The following CTNNA3 variants were observed in gnomAD, a reference collection of about 807,000 sequenced individuals.
The protein encoded by CTNNA3 is catenin alpha-3.
A neutral mutation model predicts 95.7 loss-of-function variants in CTNNA3; 76 were observed. That is an observed-to-expected ratio of 0.79 (90% CI 0.66 to 0.96). CTNNA3 has a LOEUF of 0.96. Among genes scored for constraint, CTNNA3 ranks in the 40% least tolerant of loss-of-function variants. The pLI, the probability that CTNNA3 is intolerant of heterozygous loss-of-function variation, is 0.00. For missense variants in CTNNA3, 1,191 were observed against 1,089.8 expected (o/e 1.09, Z -1.31); for synonymous variants, 431 against 374.4 (o/e 1.15, Z -1.74).
At chr10:66,431,847 T>C (rs901663220) in intron 11 of CTNNA3, among the ~76,000 whole-genome samples, 1 of 151,946 alleles carries the variant, frequency 6.6e-6, no homozygotes, top group Non-Finnish European at 1.5e-5. Flanking sequence ...TGTATACATA[T>C]GTAACAAACC....
intron 5 of CTNNA3, among the ~76,000 whole-genome samples, chr10:67,515,988 G>A (rs1839799288): frequency 6.6e-6 from 1 of 151,904 alleles, no homozygotes; most frequent in African/African-American, 2.4e-5. Context: ...TTGACATGGA[G>A]TTTTGCTCTT....
At chr10:65,953,502 A>G (rs1459467552) in intron 17 of CTNNA3, among the ~76,000 whole-genome samples, 1 of 152,008 alleles carries the variant, frequency 6.6e-6, no homozygotes, top group Non-Finnish European at 1.5e-5. Context: ...CATCATTTAC[A>G]TTAGGTATAT....
At chr10:65,932,523 T>A (rs2077270800) in intron 17 of CTNNA3, among the ~76,000 whole-genome samples, 1 of 152,142 alleles carries the variant, frequency 6.6e-6, no homozygotes, top group Non-Finnish European at 1.5e-5. Context: ...ACTCAGATAA[T>A]TTCAGTGCCT....
intron 15 of CTNNA3, among the ~76,000 whole-genome samples, chr10:66,068,290 A>T (rs1589320457): frequency 6.6e-6 from 1 of 152,102 alleles, no homozygotes; most frequent in African/African-American, 2.4e-5. Context: ...AGTATTCTTT[A>T]TATATAAATG....
intron 10 of CTNNA3, among the ~76,000 whole-genome samples, chr10:66,567,667 T>C (rs1842755205): frequency 6.6e-6 from 1 of 152,064 alleles, no homozygotes; most frequent in African/African-American, 2.4e-5. Flanking sequence ...AAAATTTCAT[T>C]TCCCTTAACA....
intron 7 of CTNNA3, among the ~76,000 whole-genome samples, chr10:67,067,268 A>G (rs1422700237): frequency 1.3e-5 from 2 of 149,972 alleles, no homozygotes; most frequent in Non-Finnish European, 3.0e-5. Context: ...TATTAGAATC[A>G]TTTTATGACA....
intron 9 of CTNNA3, among the ~76,000 whole-genome samples, chr10:66,670,740 G>A (rs1358130279): frequency 6.6e-6 from 1 of 152,042 alleles, no homozygotes; most frequent in Admixed American, 6.6e-5. Context: ...CATTACCTAG[G>A]TTAGCATTTG....
intron 11 of CTNNA3, among the ~76,000 whole-genome samples, chr10:66,480,573 C>T (rs1839484829): frequency 6.6e-6 from 1 of 152,010 alleles, no homozygotes; most frequent in Non-Finnish European, 1.5e-5. Flanking sequence ...AATGATATTA[C>T]ATAATTTTCA....
chr10:67,345,996 T>C (rs923969079), intron 5 of CTNNA3, among the ~76,000 whole-genome samples: 4 of 152,112 alleles, frequency 2.6e-5, no homozygotes, highest in African/African-American at 9.7e-5. Context: ...ATTGTATCCA[T>C]TGTATATTTT....
chr10:66,411,504 T>C lies in CTNNA3; in HGVS notation c.1532-32152A>G, dbSNP rs61145838. ...GAATATGATAATTACCATGAGGTAA[T>C]TTTTTATATAAATATGGAATTCAAA... On this transcript the variant is annotated intron_variant, in intron 11 of 17. Coordinates refer to ENST00000433211, the MANE Select transcript of CTNNA3 (RefSeq NM_013266.4). Among the ~76,000 whole-genome samples, 2,756 of 152,052 alleles carry C rather than the reference T, an allele frequency of 0.018. 197 individuals carry two copies. The East Asian group carries it at 0.24, about 13-fold the overall frequency.
At chr10:66,419,145 C>A (rs2093170610) in intron 11 of CTNNA3, among the ~76,000 whole-genome samples, 1 of 152,062 alleles carries the variant, frequency 6.6e-6, no homozygotes, top group African/African-American at 2.4e-5. Context: ...ACCAAAAAAC[C>A]CTTAGAGTTG....
At chr10:66,159,823 G>A (rs2133930657) in intron 13 of CTNNA3, among the ~76,000 whole-genome samples, 1 of 151,492 alleles carries the variant, frequency 6.6e-6, no homozygotes. Flanking sequence ...TATTTTTGTT[G>A]GTAATTTTTC....
intron 5 of CTNNA3, among the ~76,000 whole-genome samples, chr10:67,420,164 T>C (rs1277646573): frequency 6.6e-6 from 1 of 152,242 alleles, no homozygotes; most frequent in Non-Finnish European, 1.5e-5. Flanking sequence ...CTAACAGCAT[T>C]TTATTTTTAC....
chr10:66,860,522 A>T (rs1176703153), intron 7 of CTNNA3, among the ~76,000 whole-genome samples: 3 of 152,128 alleles, frequency 2.0e-5, no homozygotes, highest in Admixed American at 6.6e-5. Context: ...GGGGTATTAA[A>T]ATGCTAGCAG....
At chr10:66,156,499 A>G (rs149139409) in intron 13 of CTNNA3, among the ~76,000 whole-genome samples, 2 of 151,952 alleles carry the variant, frequency 1.3e-5, no homozygotes, top group African/African-American at 4.8e-5. Flanking sequence ...TGTGCCAAGT[A>G]CAATTATAGA....
At chr10:66,030,167 A>G (rs933760792) in intron 15 of CTNNA3, among the ~76,000 whole-genome samples, 1 of 152,172 alleles carries the variant, frequency 6.6e-6, no homozygotes, top group Non-Finnish European at 1.5e-5. Flanking sequence ...CAGATTCAAC[A>G]TTATTCCTAT....
At position 67,718,362 on chromosome 10, in the gene CTNNA3, G is replaced by C. The variant is rs140679344; in HGVS notation, c.-2+45072C>G. ...ACACCCAATACTATGTTGAGTAGTG[G>C]TGAGAGAGGGCATTCTTGTCTTGTG... On this transcript the variant is annotated intron_variant, in intron 1 of 17. Transcript: ENST00000684154. 3.7e-3 allele frequency among the ~76,000 whole-genome samples: 571 copies of C among 152,276 alleles called. 4 individuals are homozygous for C. The highest frequency in any genetic ancestry group is 0.013 in the African/African-American group (522 of 41,562).
At chr10:67,332,225 T>C (rs1208888620) in intron 5 of CTNNA3, among the ~76,000 whole-genome samples, 1 of 152,208 alleles carries the variant, frequency 6.6e-6, no homozygotes, top group African/African-American at 2.4e-5. Context: ...TGTTCCAAAG[T>C]AAAATGATTT....
chr10:67,474,170 T>C (rs111736465), intron 5 of CTNNA3, among the ~76,000 whole-genome samples: 4 of 152,322 alleles, frequency 2.6e-5, no homozygotes, highest in African/African-American at 9.6e-5. Flanking sequence ...ATACTTCAGG[T>C]ATATGCAAAT....
Sources: gnomAD v4.1 joint callset for allele counts (sites outside exome capture counted in the v4.1 genomes callset) on GRCh38, gnomAD v4.1.1 for gene constraint, MANE v1.5 for transcripts, NCBI Gene and HGNC (gene_info 2026-07-23, HGNC 2026-07-21) for gene names.